The following MBD2 variants were observed in gnomAD, a reference collection of about 807,000 sequenced individuals.
MBD2 encodes methyl-CpG binding domain protein 2.
In MBD2, 9 loss-of-function variants were observed where a neutral mutation model predicts 39.3. The observed-to-expected ratio is 0.23, with a 90% CI of 0.14 to 0.40. The LOEUF is 0.40. MBD2 is among the 10% of genes least tolerant of loss of function. The probability of loss-of-function intolerance (pLI) is 1.00; values close to 1 mark genes in which losing one functional copy is unlikely to be tolerated. For synonymous variants in MBD2, 233 were observed against 211.1 expected, an observed-to-expected ratio of 1.10 and a Z score of -0.90; for missense variants, 458 against 532.6, an observed-to-expected ratio of 0.86 and a Z score of 1.38.
intron 1 of MBD2, among the ~76,000 whole-genome samples, chr18:54,216,916 T>G (rs896024130): frequency 2.0e-4 from 30 of 151,888 alleles, no homozygotes; most frequent in African/African-American, 7.3e-4. Context: ...CATGGTGAAA[T>G]CTCGTCTACT....
chr18:54,181,927 G>A (rs1402421809), intron 3 of MBD2, among the ~76,000 whole-genome samples: 1 of 152,140 alleles, frequency 6.6e-6, no homozygotes. Flanking sequence ...CTTCTGTCTA[G>A]AATGTTCCCT....
chr18:54,159,362 CT>C (rs2086077647), intron 6 of MBD2, among the ~76,000 whole-genome samples: 1 of 151,956 alleles, frequency 6.6e-6, no homozygotes, highest in African/African-American at 2.4e-5. Flanking sequence ...AGAGGAGTAG[CT>C]TTTTCATTCA....
rs2086041417 is a variant in MBD2 at position 54,154,772 on chromosome 18, A to G, written c.*552T>C. On this transcript the variant is annotated 3_prime_UTR_variant, in exon 7 of 7. Transcript: ENST00000256429. ...GCCCAGGGATCAGAGTTGAATGTAA[A>G]TCAGAGGAAGGCTAACGAGGGGTTC... 6.6e-6 allele frequency: 1 copy of G among 152,640 alleles called. No homozygotes were observed. The highest frequency in any genetic ancestry group is 2.1e-4 in the South Asian group (1 of 4,836). 9.5% of individuals were successfully genotyped at this position (152,640 alleles called of 1,614,324 possible).
Position 54,165,266 on chromosome 18 carries a change from A to G in MBD2, c.932-566T>C, listed in dbSNP as rs571155263. Among the ~76,000 whole-genome samples, 10 of 152,300 alleles carry G rather than the reference A, an allele frequency of 6.6e-5. No individual in the cohort carries two copies. In the South Asian group the frequency reaches 1.9e-3, roughly 28 times the overall value. On this transcript the variant is annotated intron_variant, in intron 4 of 6. Transcript: ENST00000256429. ...GTGGCTTTAACAGCTTTTTTCATAA[A>G]CCTAACAAAATATCCAAAATCAGAG...
chr18:54,158,194 C>T (rs2086067949), intron 6 of MBD2, among the ~76,000 whole-genome samples: 1 of 151,980 alleles, frequency 6.6e-6, no homozygotes, highest in African/African-American at 2.4e-5. Context: ...ACACATTCCC[C>T]CCACCCCTCC....
intron 3 of MBD2, among the ~76,000 whole-genome samples, chr18:54,170,366 A>G (rs2086171479): frequency 6.6e-6 from 1 of 152,366 alleles, no homozygotes; most frequent in South Asian, 2.1e-4. Context: ...GATTTGTTCA[A>G]CTTGCCTTAT....
At chr18:54,192,140 C>G (rs906332367) in intron 2 of MBD2, among the ~76,000 whole-genome samples, 1 of 152,202 alleles carries the variant, frequency 6.6e-6, no homozygotes, top group South Asian at 2.1e-4. Flanking sequence ...ATATTCAATC[C>G]TTAAGCAGCT....
intron 1 of MBD2, among the ~76,000 whole-genome samples, chr18:54,208,085 C>T (rs970748035): frequency 1.3e-5 from 2 of 151,940 alleles, no homozygotes; most frequent in African/African-American, 4.8e-5. Context: ...GCTGCAATAG[C>T]CATATGGTCC....
rs1287642257 is a variant in MBD2 at position 54,177,829 on chromosome 18, T to TTC, written c.840+11044_840+11045insGA. Reference sequence around the variant, plus strand: ...AGGCACTATTTTTTTTTTCCTCTCTTTTTTTTTTTTTTTTTTTTTTGAGAC... The same window carrying TTC: ...AGGCACTATTTTTTTTTTCCTCTCTTTCTTTTTTTTTTTTTTTTTTTTGAGAC... On this transcript the variant is annotated intron_variant, in intron 3 of 6. Transcript: ENST00000256429. Among the ~76,000 whole-genome samples, 6 of 119,662 alleles carry TTC rather than the reference T, an allele frequency of 5.0e-5. No individual in the cohort carries two copies. In the South Asian group the frequency reaches 1.6e-3, roughly 33 times the overall value. 78.5% of individuals were successfully genotyped at this position (119,662 alleles called of 152,430 possible). A position where few individuals can be genotyped will look rare whatever the true frequency, so the allele number is the denominator to read the frequency against.
intron 1 of MBD2, among the ~76,000 whole-genome samples, chr18:54,217,776 A>C (rs2086573550): frequency 6.6e-6 from 1 of 152,258 alleles, no homozygotes; most frequent in African/African-American, 2.4e-5. Context: ...TAGAATGTAT[A>C]TGCATCAGTT....
At chr18:54,191,283 G>A (rs1373375431) in intron 2 of MBD2, among the ~76,000 whole-genome samples, 1 of 152,154 alleles carries the variant, frequency 6.6e-6, no homozygotes, top group Non-Finnish European at 1.5e-5. Context: ...GGTCTCAGGT[G>A]ATATTGATGC....
intron 1 of MBD2, among the ~76,000 whole-genome samples, chr18:54,220,315 A>C (rs2086599277): frequency 6.6e-6 from 1 of 152,112 alleles, no homozygotes; most frequent in South Asian, 2.1e-4. Context: ...CCTTTTAAAC[A>C]AACACACTAG....
In MBD2 at chr18:54,214,033, T is replaced by A. The variant is rs946683040; in HGVS notation, c.543-8876A>T. Among the ~76,000 whole-genome samples the A allele has an allele frequency of 4.1e-4, 62 of 150,054 alleles. 1 individual carries two copies. Among genetic ancestry groups the A allele is most frequent in the African/African-American group, 1.4e-3 (58 of 40,928 alleles). On this transcript the variant is annotated intron_variant, in intron 1 of 6. Coordinates refer to ENST00000256429, the MANE Select transcript of MBD2 (RefSeq NM_003927.5). ...TTTTTTTTTTTTTTAACAACAAACA[T>A]TGCCTGATAAAACAGTAGTTCTCTT... is the stretch of plus-strand genomic sequence containing the variant.
chr18:54,217,085 G>A (rs548694750), intron 1 of MBD2, among the ~76,000 whole-genome samples: 21 of 152,244 alleles, frequency 1.4e-4, no homozygotes, highest in Admixed American at 5.2e-4. Context: ...GCGAAACTCC[G>A]TCTCAAAACA....
chr18:54,185,737 A>G (rs1485929742), intron 3 of MBD2, among the ~76,000 whole-genome samples: 6 of 152,128 alleles, frequency 3.9e-5, no homozygotes, highest in Non-Finnish European at 8.8e-5. Context: ...TCCCCACTAC[A>G]GGGGTCTTTT....
chr18:54,211,016 C>T (rs1376715792), intron 1 of MBD2, among the ~76,000 whole-genome samples: 1 of 149,620 alleles, frequency 6.7e-6, no homozygotes, highest in Non-Finnish European at 1.5e-5. Flanking sequence ...GGACTACAGG[C>T]GCCCGCCACT....
intron 3 of MBD2, among the ~76,000 whole-genome samples, chr18:54,168,683 C>T (rs1443709074): frequency 7.0e-6 from 1 of 142,376 alleles, no homozygotes; most frequent in Non-Finnish European, 1.5e-5. Context: ...ATCCGCAACC[C>T]AGGGGAGAAA....
In MBD2 at chr18:54,195,600, A is replaced by T. The variant is rs143783110; in HGVS notation, c.703-6589T>A. ...TTATAAAAATCAAACGAGATAATGC[A>T]TGTTATGCTGCTGCTGCTGCTACAA... On this transcript the variant is annotated intron_variant, in intron 2 of 6. Transcript: ENST00000256429. 5.1e-3 allele frequency among the ~76,000 whole-genome samples: 780 copies of T among 152,226 alleles called. 10 individuals are homozygous for T. The highest frequency in any genetic ancestry group is 0.016 in the African/African-American group (667 of 41,562).
At chr18:54,187,529 T>C in intron 3 of MBD2, among the ~76,000 whole-genome samples, 1 of 152,204 alleles carries the variant, frequency 6.6e-6, no homozygotes, top group East Asian at 1.9e-4. Context: ...CCAGAATTCC[T>C]TCCCTGTTGT....
Sources: gnomAD v4.1 joint callset for allele counts (sites outside exome capture counted in the v4.1 genomes callset) on GRCh38, gnomAD v4.1.1 for gene constraint, MANE v1.5 for transcripts, NCBI Gene and HGNC (gene_info 2026-07-23, HGNC 2026-07-21) for gene names.